Variants in GHR observed in about 807,000 individuals in gnomAD.
The protein encoded by GHR is GH receptor.
In GHR, 35 loss-of-function variants were observed where a neutral mutation model predicts 67.1. The observed-to-expected ratio is 0.52, with a 90% CI of 0.40 to 0.69. The LOEUF is 0.69. Among genes scored for constraint, GHR ranks in the 30% least tolerant of loss-of-function variants. The pLI, the probability that GHR is intolerant of heterozygous loss-of-function variation, is 0.00. For missense variants in GHR, 792 were observed against 764.6 expected (o/e 1.04, Z -0.42); for synonymous variants, 272 against 269.1 (o/e 1.01, Z -0.10).
At chr5:42,541,688 G>A (rs1047495170) in intron 1 of GHR, among the ~76,000 whole-genome samples, 1 of 152,114 alleles carries the variant, frequency 6.6e-6, no homozygotes, top group African/African-American at 2.4e-5. Flanking sequence ...GATAAATGTT[G>A]GTGCCTTGGT....
At chr5:42,445,832 T>A (rs1266036535) in intron 1 of GHR, among the ~76,000 whole-genome samples, 1 of 152,232 alleles carries the variant, frequency 6.6e-6, no homozygotes. Flanking sequence ...TATTTTAAGG[T>A]CCTTGTCTCT....
rs1260786147 is a variant in GHR at position 42,658,461 on chromosome 5, T to C, written c.136+29358T>C. On this transcript the variant is annotated intron_variant, in intron 3 of 9. Transcript: ENST00000230882. Reference sequence around the variant, plus strand: ...TGTGAAGATGGAATGAGAAAGCAAATGGCAAAAACTTAGCACAAAGTAGGA... The same window carrying C: ...TGTGAAGATGGAATGAGAAAGCAAACGGCAAAAACTTAGCACAAAGTAGGA... Among the ~76,000 whole-genome samples, 3 of 152,324 alleles carry C rather than the reference T, an allele frequency of 2.0e-5. No individual in the cohort carries two copies. The East Asian group carries it at 5.8e-4, about 29-fold the overall frequency.
At chr5:42,623,108 A>G (rs1580075179) in intron 2 of GHR, among the ~76,000 whole-genome samples, 1 of 152,334 alleles carries the variant, frequency 6.6e-6, no homozygotes, top group East Asian at 1.9e-4. Context: ...TGATAAGCAT[A>G]TATAACACTT....
At chr5:42,434,518 A>C (rs1447409200) in intron 1 of GHR, among the ~76,000 whole-genome samples, 2 of 152,210 alleles carry the variant, frequency 1.3e-5, no homozygotes, top group Non-Finnish European at 2.9e-5. Context: ...GGAGGCCCTG[A>C]GAAGTGACAA....
At position 42,700,007 on chromosome 5, in the gene GHR, G is replaced by C. The variant is rs1304109811; in HGVS notation, c.618+5G>C. 1 of 1,560,080 alleles carries C rather than the reference G, an allele frequency of 6.4e-7. No homozygotes were observed. Among genetic ancestry groups the C allele is most frequent in the Admixed American group, 1.7e-5 (1 of 59,706 alleles). On this transcript the variant is annotated splice_donor_5th_base_variant and intron_variant, in intron 6 of 9. Transcript: ENST00000230882. Reference sequence around the variant, plus strand: ...AATGAAACTAAATGGAAAATGGTAAGATGTTGCTACACCTTACACTTTGAC... The same window carrying C: ...AATGAAACTAAATGGAAAATGGTAACATGTTGCTACACCTTACACTTTGAC...
intron 2 of GHR, among the ~76,000 whole-genome samples, chr5:42,593,066 A>G (rs756932572): frequency 1.3e-5 from 2 of 152,216 alleles, no homozygotes; most frequent in Non-Finnish European, 2.9e-5. Context: ...GTTCAGGGAC[A>G]TCATTCCTAT....
chr5:42,504,290 T>C (rs960954665), intron 1 of GHR, among the ~76,000 whole-genome samples: 1 of 152,128 alleles, frequency 6.6e-6, no homozygotes, highest in Non-Finnish European at 1.5e-5. Context: ...CAATTTTTAA[T>C]GAGAAGGGAG....
chr5:42,454,762 A>T (rs1351622120), intron 1 of GHR, among the ~76,000 whole-genome samples: 1 of 152,088 alleles, frequency 6.6e-6, no homozygotes, highest in Non-Finnish European at 1.5e-5. Flanking sequence ...TGTGGAACTC[A>T]GTCTTACTCC....
chr5:42,644,193 A>G (rs1754617852), intron 3 of GHR, among the ~76,000 whole-genome samples: 2 of 152,186 alleles, frequency 1.3e-5, no homozygotes, highest in Admixed American at 1.3e-4. Flanking sequence ...ACCACATGAT[A>G]TTATATGTCT....
intron 1 of GHR, among the ~76,000 whole-genome samples, chr5:42,528,340 G>A (rs1200207595): frequency 6.6e-6 from 1 of 152,070 alleles, no homozygotes; most frequent in Non-Finnish European, 1.5e-5. Flanking sequence ...CAGCAGTTTA[G>A]AAGAAGTTGA....
At chr5:42,551,126 T>G (rs1408685777) in intron 1 of GHR, among the ~76,000 whole-genome samples, 3 of 152,184 alleles carry the variant, frequency 2.0e-5, no homozygotes, top group African/African-American at 7.2e-5. Context: ...ATACAGCCCA[T>G]GCTTTGGTGA....
At chr5:42,539,087 C>T (rs750272632) in intron 1 of GHR, among the ~76,000 whole-genome samples, 6 of 152,034 alleles carry the variant, frequency 3.9e-5, no homozygotes, top group African/African-American at 4.8e-5. Context: ...CTGCTTGTAT[C>T]ATTTCGTTGT....
intron 2 of GHR, among the ~76,000 whole-genome samples, chr5:42,597,011 C>A (rs977315394): frequency 3.9e-5 from 6 of 152,094 alleles, no homozygotes; most frequent in Non-Finnish European, 8.8e-5. Flanking sequence ...TGGGTGATGA[C>A]CAGGGTGCAG....
Position 42,424,544 on chromosome 5 carries a change from G to GCACC in GHR, c.-12+590_-12+593dup. ...TTGTGCGGGCCGCAGCCGCACGTTG[G>GCACC]CACCGATGGAACTGGGGTCAGTAGA... is the stretch of plus-strand genomic sequence containing the variant. On this transcript the variant is annotated intron_variant, in intron 1 of 9. Coordinates refer to ENST00000230882, the MANE Select transcript of GHR (RefSeq NM_000163.5). This position sits in a 1 kb window ranked among gnomAD's most constrained non-coding sequence, Gnocchi z 4.1. The GCACC allele has an allele frequency of 6.6e-7, 1 of 1,526,504 alleles. No homozygotes were observed. Among genetic ancestry groups the GCACC allele is most frequent in the South Asian group, 1.2e-5 (1 of 83,866 alleles). The allele number at this position is 1,526,504 out of a possible 1,614,324, so 94.6% of individuals were successfully genotyped here.
At chr5:42,563,229 G>A (rs1010063062) in intron 1 of GHR, among the ~76,000 whole-genome samples, 1 of 152,186 alleles carries the variant, frequency 6.6e-6, no homozygotes, top group Non-Finnish European at 1.5e-5. Context: ...AATAGCAGGT[G>A]CTACTGGAAA....
chr5:42,470,208 A>G (rs1162056104), intron 1 of GHR, among the ~76,000 whole-genome samples: 6 of 147,760 alleles, frequency 4.1e-5, no homozygotes, highest in African/African-American at 1.2e-4. Context: ...TATCTATAAC[A>G]TAATATATTA....
At chr5:42,656,666 A>G (rs538993344) in intron 3 of GHR, among the ~76,000 whole-genome samples, 1 of 152,298 alleles carries the variant, frequency 6.6e-6, no homozygotes, top group Non-Finnish European at 1.5e-5. Flanking sequence ...GCACCCTACT[A>G]TGTGTAAGGA....
At chr5:42,425,588 A>C (rs1742816947) in intron 1 of GHR, among the ~76,000 whole-genome samples, 1 of 152,188 alleles carries the variant, frequency 6.6e-6, no homozygotes, top group Non-Finnish European at 1.5e-5. Flanking sequence ...TCCTTTTGAG[A>C]AAAGCAAAGC....
intron 1 of GHR, among the ~76,000 whole-genome samples, chr5:42,473,469 A>G (rs1264064574): frequency 6.6e-6 from 1 of 152,248 alleles, no homozygotes; most frequent in Non-Finnish European, 1.5e-5. Flanking sequence ...ACCAGAATTC[A>G]GCCTAACTCG....
Sources: gnomAD v4.1 joint callset for allele counts (sites outside exome capture counted in the v4.1 genomes callset) on GRCh38, gnomAD v4.1.1 for gene constraint, Gnocchi (gnomAD v3.1) non-coding constraint, MANE v1.5 for transcripts, NCBI Gene and HGNC (gene_info 2026-07-23, HGNC 2026-07-21) for gene names.